Variants in SHISA9 observed in about 807,000 individuals in gnomAD.
SHISA9 encodes protein shisa-9.
Under a neutral mutation model 38.0 loss-of-function variants are expected in SHISA9, and 13 were observed. The observed-to-expected ratio is 0.34, with a 90% CI of 0.22 to 0.54. The LOEUF (loss-of-function observed/expected upper bound fraction) is 0.54. Among genes scored for constraint, SHISA9 ranks in the 20% least tolerant of loss-of-function variants. The pLI is 0.91. For missense variants in SHISA9, 538 were observed against 575.8 expected, an observed-to-expected ratio of 0.93 and a Z score of 0.67; for synonymous variants, 275 against 242.0, an observed-to-expected ratio of 1.14 and a Z score of -1.27.
chr16:13,380,896 C>T, the SHISA9 span, among the ~76,000 whole-genome samples: 3 of 150,678 alleles, frequency 2.0e-5, no homozygotes, highest in Non-Finnish European at 4.4e-5. Context: ...TGTTCAACTC[C>T]CGCATGAGTG....
intron 2 of SHISA9, among the ~76,000 whole-genome samples, chr16:12,925,447 A>ATGTGTGTG (rs1555500777): frequency 1.2e-4 from 8 of 66,282 alleles, no homozygotes; most frequent in South Asian, 1.1e-3. Context: ...GTGTGTGTGT[A>ATGTGTGTG]TGTGTGTGTG....
the SHISA9 span, among the ~76,000 whole-genome samples, chr16:13,418,505 A>G: frequency 6.6e-6 from 1 of 152,114 alleles, no homozygotes; most frequent in Admixed American, 6.6e-5. Flanking sequence ...AGTGGCTGGA[A>G]CACTTGGGGT....
chr16:13,034,568 A>G (rs998681847), intron 2 of SHISA9, among the ~76,000 whole-genome samples: 1 of 152,182 alleles, frequency 6.6e-6, no homozygotes, highest in Non-Finnish European at 1.5e-5. Flanking sequence ...CACTGTAATG[A>G]TAGACCCAAT....
At chr16:13,232,272 C>G (rs1040091571) in intron 4 of SHISA9, among the ~76,000 whole-genome samples, 1 of 151,848 alleles carries the variant, frequency 6.6e-6, no homozygotes, top group African/African-American at 2.4e-5. Context: ...TGTAGATAAT[C>G]TTATAATAAA....
chr16:12,930,187 G>C (rs1242189567), intron 2 of SHISA9, among the ~76,000 whole-genome samples: 3 of 152,204 alleles, frequency 2.0e-5, no homozygotes, highest in African/African-American at 4.8e-5. Flanking sequence ...CTGGCACACA[G>C]AAAGTGCTCT....
At chr16:13,279,419 G>C in the SHISA9 span, among the ~76,000 whole-genome samples, 1 of 151,856 alleles carries the variant, frequency 6.6e-6, no homozygotes, top group Non-Finnish European at 1.5e-5. Context: ...TTGTTCCAAG[G>C]TATAGTTTAA....
the SHISA9 span, among the ~76,000 whole-genome samples, chr16:13,424,092 C>G: frequency 2.0e-5 from 3 of 152,216 alleles, no homozygotes; most frequent in Admixed American, 2.0e-4. Context: ...TCACTGGCCC[C>G]ACACAGTCCC....
chr16:13,201,691 T>A (rs1191880961), intron 2 of SHISA9, among the ~76,000 whole-genome samples: 1 of 130,882 alleles, frequency 7.6e-6, no homozygotes, highest in African/African-American at 3.1e-5. Context: ...TGAAGTATCA[T>A]CATTTCATAA....
At chr16:13,448,381 C>A in the SHISA9 span, among the ~76,000 whole-genome samples, 4 of 152,196 alleles carry the variant, frequency 2.6e-5, no homozygotes, top group Non-Finnish European at 5.9e-5. Context: ...GATCATTATG[C>A]CTCTTAGCTG....
the SHISA9 span, among the ~76,000 whole-genome samples, chr16:13,389,149 T>C: frequency 6.6e-6 from 1 of 152,212 alleles, no homozygotes; most frequent in Non-Finnish European, 1.5e-5. Flanking sequence ...CAATGTATAA[T>C]GATGTGTATT....
intron 2 of SHISA9, among the ~76,000 whole-genome samples, chr16:13,087,236 A>G (rs1295683989): frequency 6.9e-6 from 1 of 144,890 alleles, no homozygotes; most frequent in Non-Finnish European, 1.5e-5. Context: ...ATTGATGGAC[A>G]TTTGGGTTGG....
At chr16:12,950,390 G>C (rs1024969117) in intron 2 of SHISA9, among the ~76,000 whole-genome samples, 2 of 152,138 alleles carry the variant, frequency 1.3e-5, no homozygotes, top group African/African-American at 4.8e-5. Flanking sequence ...CCAGCAGTGG[G>C]ATTCCCCCGG....
At chr16:12,970,360 T>TATATAC (rs2072044577) in intron 2 of SHISA9, among the ~76,000 whole-genome samples, 6 of 73,100 alleles carry the variant, frequency 8.2e-5, no homozygotes, top group South Asian at 7.4e-4. Flanking sequence ...TGTGTATATA[T>TATATAC]ATATATATAC....
intron 2 of SHISA9, among the ~76,000 whole-genome samples, chr16:12,945,248 C>G (rs1396670990): frequency 6.6e-6 from 1 of 152,124 alleles, no homozygotes; most frequent in African/African-American, 2.4e-5. Context: ...CTGACAGTGT[C>G]TGATACAGGA....
chr16:13,033,057 AT>A (rs1353825664), intron 2 of SHISA9, among the ~76,000 whole-genome samples: 3 of 152,170 alleles, frequency 2.0e-5, no homozygotes, highest in Non-Finnish European at 4.4e-5. Flanking sequence ...GGTGGCCAGA[AT>A]TTCCTGGTTC....
chr16:13,421,373 G>A, the SHISA9 span, among the ~76,000 whole-genome samples: 2 of 152,170 alleles, frequency 1.3e-5, no homozygotes, highest in East Asian at 3.8e-4. Flanking sequence ...TCAGAATCAT[G>A]GCAGGAGGTG....
the SHISA9 span, among the ~76,000 whole-genome samples, chr16:13,259,541 A>AGGC: frequency 5.9e-5 from 9 of 152,236 alleles, no homozygotes; most frequent in African/African-American, 2.2e-4. Flanking sequence ...GAGGTTCTCC[A>AGGC]TGAGGGCCCT....
Position 12,948,135 on chromosome 16 carries a change from C to G in SHISA9, c.691+31320C>G, listed in dbSNP as rs569239613. 3.9e-5 allele frequency among the ~76,000 whole-genome samples: 6 copies of G among 152,248 alleles called. No homozygotes were observed. The East Asian group carries it at 1.2e-3, about 29-fold the overall frequency. On this transcript the variant is annotated intron_variant, in intron 2 of 4. Transcript: ENST00000558583. ...GGTGCTTAGTTTAATCTTTATAATG[C>G]GTCTATGATATCTATGCCATTAGCC... is the stretch of plus-strand genomic sequence containing the variant.
chr16:13,316,381 G>A, the SHISA9 span, among the ~76,000 whole-genome samples: 1 of 152,118 alleles, frequency 6.6e-6, no homozygotes, highest in Non-Finnish European at 1.5e-5. Flanking sequence ...CCCAGGAAGC[G>A]AGAACAGAAT....
Sources: gnomAD v4.1 joint callset for allele counts (sites outside exome capture counted in the v4.1 genomes callset) on GRCh38, gnomAD v4.1.1 for gene constraint, MANE v1.5 for transcripts, NCBI Gene and HGNC (gene_info 2026-07-23, HGNC 2026-07-21) for gene names.